The following TIA1 variants were observed in gnomAD, a reference collection of about 807,000 sequenced individuals.
TIA1 encodes the protein cytotoxic granule associated RNA binding protein TIA1.
TIA1 carries 23 observed loss-of-function variants against 65.9 expected under a neutral mutation model. That is an observed-to-expected ratio of 0.35 (90% CI 0.25 to 0.49). The LOEUF is 0.49. Ranked by LOEUF, TIA1 falls within the 20% of genes least tolerant of loss-of-function variation. The probability of loss-of-function intolerance (pLI) is 0.98; values close to 1 mark genes in which losing one functional copy is unlikely to be tolerated. For missense variants in TIA1, 371 were observed against 477.9 expected, an observed-to-expected ratio of 0.78 and a Z score of 2.09; for synonymous variants, 147 against 149.4, an observed-to-expected ratio of 0.98 and a Z score of 0.12.
At chr2:70,217,900 T>C (rs1056167268) in intron 7 of TIA1, among the ~76,000 whole-genome samples, 2 of 152,206 alleles carry the variant, frequency 1.3e-5, no homozygotes, top group African/African-American at 4.8e-5. Context: ...ATAAAGTTCA[T>C]GCAACTCAGA....
At chr2:70,243,579 T>G (rs971526143) in intron 1 of TIA1, among the ~76,000 whole-genome samples, 2 of 152,232 alleles carry the variant, frequency 1.3e-5, no homozygotes, top group African/African-American at 4.8e-5. Flanking sequence ...GCCTTACTAG[T>G]TGGGACCTCC....
chr2:70,225,029 A>T, intron 6 of TIA1: 3 of 904,716 alleles, frequency 3.3e-6, no homozygotes, highest in Non-Finnish European at 4.0e-6. Context: ...CCTAATCATT[A>T]AAAAAAAATA....
intron 1 of TIA1, among the ~76,000 whole-genome samples, chr2:70,245,913 G>GCTT (rs1694070664): frequency 8.1e-6 from 1 of 124,036 alleles, no homozygotes; most frequent in African/African-American, 3.6e-5. Flanking sequence ...AATTCTACCA[G>GCTT]ATTTTTTTTT....
intron 3 of TIA1, 107 bp from the exon 4 acceptor site, chr2:70,229,425 A>G: frequency 1.1e-6 from 1 of 901,792 alleles, no homozygotes; most frequent in Non-Finnish European, 1.7e-6. Context: ...GAAACACTGA[A>G]GGAGATACCA....
intron 5 of TIA1, 142 bp from the exon 6 acceptor site, chr2:70,227,964 C>A (rs1459140534): frequency 4.4e-4 from 192 of 435,912 alleles, no homozygotes; most frequent in Middle Eastern, 7.4e-4. Context: ...TATATCTATA[C>A]AAATCCTACC....
chr2:70,243,034 T>G (rs370517709), intron 1 of TIA1, among the ~76,000 whole-genome samples: 96 of 152,336 alleles, frequency 6.3e-4, no homozygotes, highest in African/African-American at 2.2e-3. Context: ...ATGTACTGTC[T>G]CAGAATGACT....
chr2:70,223,875 T>G (rs531720285), intron 7 of TIA1, among the ~76,000 whole-genome samples: 1 of 151,628 alleles, frequency 6.6e-6, no homozygotes, highest in South Asian at 2.1e-4. Flanking sequence ...TGTGCCCGGG[T>G]AATATTTAAT....
At chr2:70,237,576 C>T (rs1689545695) in intron 1 of TIA1, among the ~76,000 whole-genome samples, 1 of 150,008 alleles carries the variant, frequency 6.7e-6, no homozygotes, top group Non-Finnish European at 1.5e-5. Flanking sequence ...ATATCTTATA[C>T]AATAATGGCT....
At chr2:70,230,241 CAA>C (rs111994578) in intron 3 of TIA1, among the ~76,000 whole-genome samples, 23 of 96,876 alleles carry the variant, frequency 2.4e-4, no homozygotes, top group Admixed American at 2.3e-4. Context: ...AGACCCAACT[CAA>C]AAAAAAAAAA....
At chr2:70,225,489 G>A (rs1179552223) in intron 6 of TIA1, 1 of 1,211,216 alleles carries the variant, frequency 8.3e-7, no homozygotes, top group Non-Finnish European at 1.1e-6. Flanking sequence ...CTCAAATTGT[G>A]CTTCACAGGC....
At chr2:70,228,871 T>G in intron 5 of TIA1, 188 bp downstream of exon 5, 3 of 1,442,390 alleles carry the variant, frequency 2.1e-6, no homozygotes, top group South Asian at 3.1e-5. Flanking sequence ...AAGCTTGAAC[T>G]AGCACCAAAG....
In TIA1 at chr2:70,216,473, C is replaced by G; in HGVS notation, c.610G>C (p.Glu204Gln). 1.2e-6 allele frequency: 2 copies of G among 1,613,872 alleles called. No homozygotes were observed. Among genetic ancestry groups the G allele is most frequent in the Non-Finnish European group, 1.7e-6 (2 of 1,179,902 alleles). Residue 204 changes from glutamate (E) to glutamine (Q), a missense_variant, in exon 9 of 13, where the codon GAG becomes CAG. Glu to Gln is a conservative substitution (Grantham distance 29). Transcript: ENST00000433529. ...CTTGGACTAGACTGATTTACAACCTCATCATATGATAGCTGTTTGGTATTT... is the reference window on the plus strand; with the variant it reads ...CTTGGACTAGACTGATTTACAACCTGATCATATGATAGCTGTTTGGTATTT... ...ESNTKQLSYD[E>Q]VVNQSSPSNC...
chr2:70,243,881 T>G (rs1414659686), intron 1 of TIA1, among the ~76,000 whole-genome samples: 1 of 152,210 alleles, frequency 6.6e-6, no homozygotes, highest in Non-Finnish European at 1.5e-5. Flanking sequence ...AGGCACTGCT[T>G]TCTCTGATAC....
At chr2:70,242,482 G>C (rs1358289867) in intron 1 of TIA1, among the ~76,000 whole-genome samples, 1 of 93,416 alleles carries the variant, frequency 1.1e-5, no homozygotes, top group African/African-American at 4.8e-5. Flanking sequence ...CTGAGTGACA[G>C]AGACTCAGTC....
chr2:70,225,462 T>TA, intron 6 of TIA1: 1 of 1,275,444 alleles, frequency 7.8e-7, no homozygotes, highest in Non-Finnish European at 1.0e-6. Flanking sequence ...TAAAACTCCA[T>TA]ACCTCAAAAA....
At chr2:70,234,889 A>G (rs1339942742) in intron 2 of TIA1, among the ~76,000 whole-genome samples, 2 of 152,136 alleles carry the variant, frequency 1.3e-5, no homozygotes, top group Non-Finnish European at 2.9e-5. Context: ...TATTAAGTAA[A>G]AAAAAGTTGA....
chr2:70,247,950 G>T (rs1374468588), intron 1 of TIA1, among the ~76,000 whole-genome samples: 1 of 151,738 alleles, frequency 6.6e-6, no homozygotes, highest in African/African-American at 2.4e-5. Flanking sequence ...TTATCACCGA[G>T]AAGAAAATGA....
chr2:70,217,778 C>T (rs1018106528), intron 7 of TIA1, among the ~76,000 whole-genome samples: 1 of 152,152 alleles, frequency 6.6e-6, no homozygotes, highest in Non-Finnish European at 1.5e-5. Flanking sequence ...AGCCACCATG[C>T]TCAACCCAAT....
chr2:70,228,752 G>A, intron 5 of TIA1: 1 of 1,282,372 alleles, frequency 7.8e-7, no homozygotes, highest in South Asian at 2.0e-5. Flanking sequence ...TCAAGCATTT[G>A]GAAGATCTGG....
Sources: gnomAD v4.1 joint callset for allele counts (sites outside exome capture counted in the v4.1 genomes callset) on GRCh38, gnomAD v4.1.1 for gene constraint, MANE v1.5 for transcripts, NCBI Gene and HGNC (gene_info 2026-07-23, HGNC 2026-07-21) for gene names.